UPP2: variants seen among roughly 807,000 people sequenced by gnomAD.
The protein encoded by UPP2 is uridine phosphorylase 2.
A neutral mutation model predicts 26.7 loss-of-function variants in UPP2; 23 were observed. The ratio of observed to expected loss-of-function variants is 0.86; its 90% CI spans 0.62 to 1.22. UPP2 has a LOEUF of 1.22. Among genes scored for constraint, UPP2 ranks in the 50% most tolerant of loss-of-function variants. The pLI is 0.00. For missense variants in UPP2, 387 were observed against 396.7 expected, an observed-to-expected ratio of 0.98 and a Z score of 0.21; for synonymous variants, 127 against 141.3, an observed-to-expected ratio of 0.90 and a Z score of 0.72.
intron 6 of UPP2, among the ~76,000 whole-genome samples, chr2:158,125,122 C>T (rs1683665100): frequency 1.3e-5 from 2 of 152,110 alleles, no homozygotes; most frequent in South Asian, 4.1e-4. Flanking sequence ...GTGTGGCATC[C>T]TGATATGCAA....
intron 6 of UPP2, among the ~76,000 whole-genome samples, chr2:158,131,161 A>G (rs911046763): frequency 6.6e-6 from 1 of 152,168 alleles, no homozygotes; most frequent in African/African-American, 2.4e-5. Flanking sequence ...TTGAGGAGCA[A>G]TGGGGGAGGG....
chr2:158,134,326 A>G (rs983801360), intron 6 of UPP2, among the ~76,000 whole-genome samples: 2 of 152,250 alleles, frequency 1.3e-5, no homozygotes, highest in African/African-American at 2.4e-5. Flanking sequence ...CATTGCACCA[A>G]GGAGAAAAAT....
chr2:158,071,283 G>A (rs1016807147), intron 3 of UPP2, among the ~76,000 whole-genome samples: 2 of 152,086 alleles, frequency 1.3e-5, no homozygotes, highest in Admixed American at 1.3e-4. Context: ...CTTCCAGCAC[G>A]GTGGCTCATG....
At chr2:158,074,865 T>C (rs1424006976) in intron 3 of UPP2, among the ~76,000 whole-genome samples, 1 of 150,950 alleles carries the variant, frequency 6.6e-6, no homozygotes, top group African/African-American at 2.4e-5. Context: ...ATTGACCTGT[T>C]GCCTACAAAA....
intron 2 of UPP2, among the ~76,000 whole-genome samples, chr2:158,000,916 G>A (rs1683394887): frequency 6.6e-6 from 1 of 152,078 alleles, no homozygotes; most frequent in African/African-American, 2.4e-5. Context: ...AATATGACCG[G>A]GTATTTATTA....
chr2:158,004,346 A>T (rs1398774731), intron 2 of UPP2, among the ~76,000 whole-genome samples: 2 of 152,166 alleles, frequency 1.3e-5, no homozygotes, highest in Non-Finnish European at 2.9e-5. Context: ...CTCCCGGTGA[A>T]TAAGGCTTAG....
intron 4 of UPP2, among the ~76,000 whole-genome samples, chr2:158,119,446 T>C (rs2105225751): frequency 6.6e-6 from 1 of 152,166 alleles, no homozygotes; most frequent in Non-Finnish European, 1.5e-5. Context: ...TTTTAAGCAG[T>C]ATTGCGTTTG....
chr2:158,045,886 C>G (rs1035152566), intron 3 of UPP2, among the ~76,000 whole-genome samples: 2 of 152,060 alleles, frequency 1.3e-5, no homozygotes, highest in African/African-American at 4.8e-5. Context: ...CTGCAAGTAC[C>G]AGTGGGGCCA....
chr2:158,009,832 C>T (rs1683548244), intron 2 of UPP2, among the ~76,000 whole-genome samples: 1 of 152,220 alleles, frequency 6.6e-6, no homozygotes, highest in African/African-American at 2.4e-5. Flanking sequence ...CCAGCAAATG[C>T]TGTAGTCTCT....
chr2:158,002,195 T>G (rs1683420563), intron 2 of UPP2, among the ~76,000 whole-genome samples: 1 of 152,016 alleles, frequency 6.6e-6, no homozygotes, highest in Non-Finnish European at 1.5e-5. Flanking sequence ...AAACAGGTTG[T>G]TAGGAAATAT....
chr2:158,105,403 G>T (rs1683171205), intron 1 of UPP2, among the ~76,000 whole-genome samples: 1 of 152,116 alleles, frequency 6.6e-6, no homozygotes, highest in Non-Finnish European at 1.5e-5. Flanking sequence ...GTTCAGCATG[G>T]TTGGTGGAGT....
At chr2:158,024,152 G>A (rs1683799143) in intron 3 of UPP2, among the ~76,000 whole-genome samples, 1 of 152,214 alleles carries the variant, frequency 6.6e-6, no homozygotes, top group South Asian at 2.1e-4. Context: ...ATCTTACCCA[G>A]GAATGCGGAT....
chr2:158,083,586 A>T (rs1430617377), intron 3 of UPP2, among the ~76,000 whole-genome samples: 1 of 152,028 alleles, frequency 6.6e-6, no homozygotes, highest in East Asian at 1.9e-4. Flanking sequence ...GGGTAGCATT[A>T]GGAGAAATAC....
At chr2:158,012,907 T>C (rs1295467377) in intron 2 of UPP2, among the ~76,000 whole-genome samples, 8 of 152,192 alleles carry the variant, frequency 5.3e-5, no homozygotes, top group Non-Finnish European at 1.5e-5. Context: ...AAATTTTAAG[T>C]GATGATCTCA....
intron 5 of UPP2, among the ~76,000 whole-genome samples, chr2:158,122,256 C>A (rs1318538344): frequency 2.0e-5 from 3 of 152,058 alleles, no homozygotes; most frequent in African/African-American, 7.2e-5. Context: ...GGTACCATGC[C>A]TTGAAGGGCA....
chr2:158,041,150 T>C (rs990156055), intron 3 of UPP2, among the ~76,000 whole-genome samples: 1 of 152,202 alleles, frequency 6.6e-6, no homozygotes, highest in African/African-American at 2.4e-5. Flanking sequence ...GCTGATACTT[T>C]AAAAATTCAA....
Position 158,096,057 on chromosome 2 carries a change from G to C in UPP2, c.148-5983G>C, listed in dbSNP as rs115935872. ...TTTTTCAGTCTTAAGGCCCTCTGTT[G>C]ACCAGGCCACTAGAGGCACTGATGA... On this transcript the variant is annotated intron_variant, in intron 3 of 9. Coordinates refer to the UPP2 transcript ENST00000605860. 7.5e-3 allele frequency among the ~76,000 whole-genome samples: 1,143 copies of C among 152,222 alleles called. 11 individuals are homozygous for C. Among genetic ancestry groups the C allele is most frequent in the African/African-American group, 0.025 (1,058 of 41,516 alleles).
chr2:158,102,685 C>T lies in UPP2; in HGVS notation c.62+560C>T, dbSNP rs114862187. On this transcript the variant is annotated intron_variant, in intron 1 of 6. Transcript: ENST00000005756. ...CAGTTCCTGCCCCAGGTTAACAGAA[C>T]ACAACAGAGCATTAATCATCATGAG... 8.4e-3 allele frequency among the ~76,000 whole-genome samples: 1,279 copies of T among 152,266 alleles called. 24 individuals carry two copies. Among genetic ancestry groups the T allele is most frequent in the African/African-American group, 0.028 (1,169 of 41,550 alleles).
intron 2 of UPP2, among the ~76,000 whole-genome samples, chr2:158,107,508 C>A (rs1393916592): frequency 6.6e-6 from 1 of 152,068 alleles, no homozygotes. Context: ...TAGGAGGACC[C>A]TTTGAGTCAC....
Sources: gnomAD v4.1 joint callset for allele counts (sites outside exome capture counted in the v4.1 genomes callset) on GRCh38, gnomAD v4.1.1 for gene constraint, MANE v1.5 for transcripts, NCBI Gene and HGNC (gene_info 2026-07-23, HGNC 2026-07-21) for gene names.